USP47: variants seen among roughly 807,000 people sequenced by gnomAD.
USP47 encodes the protein ubiquitin carboxyl-terminal hydrolase 47.
In USP47, 35 loss-of-function variants were observed where a neutral mutation model predicts 165.1. The observed-to-expected ratio is 0.21, with a 90% CI of 0.16 to 0.28. The LOEUF is 0.28. USP47 is among the 10% of genes least tolerant of loss of function. USP47 has a pLI of 1.00. For missense variants in USP47, 1,277 were observed against 1,607.4 expected, an observed-to-expected ratio of 0.79 and a Z score of 3.52; for synonymous variants, 531 against 544.5, an observed-to-expected ratio of 0.98 and a Z score of 0.35.
At chr11:11,954,040 A>C (rs1564897274) in intron 25 of USP47, among the ~76,000 whole-genome samples, 1 of 152,120 alleles carries the variant, frequency 6.6e-6, no homozygotes, top group Non-Finnish European at 1.5e-5. Context: ...ACTTGAGTTC[A>C]GGAGTTCGAG....
chr11:11,880,034 G>A (rs558979557), intron 1 of USP47, 143 bp from the exon 2 acceptor site: 61 of 565,326 alleles, frequency 1.1e-4, no homozygotes, highest in South Asian at 8.2e-4. Context: ...TTCAGACTAC[G>A]ATAAAACAGA....
intron 3 of USP47, among the ~76,000 whole-genome samples, chr11:11,891,758 C>T (rs183735861): frequency 6.6e-6 from 1 of 152,258 alleles, no homozygotes; most frequent in East Asian, 1.9e-4. Context: ...TACAATGGTA[C>T]TTTTCGTTTA....
intron 2 of USP47, among the ~76,000 whole-genome samples, chr11:11,881,755 A>C (rs904874561): frequency 3.9e-5 from 6 of 152,162 alleles, no homozygotes; most frequent in African/African-American, 1.4e-4. Flanking sequence ...AAAAATTTCT[A>C]GGAATCCTTG....
rs1327317765 is a variant in USP47, at chr11:11,948,058, A to C, written c.3205A>C (p.Asn1069His). 6.2e-7 allele frequency: 1 copy of C among 1,613,874 alleles called. No individual in the cohort carries two copies. The highest frequency in any genetic ancestry group is 8.5e-7 in the Non-Finnish European group (1 of 1,179,868). Residue 1069 changes from asparagine to histidine, a missense_variant, in exon 21 of 28, where the codon AAT becomes CAT. By Grantham distance (68) the Asn-to-His change is moderately conservative. Coordinates refer to ENST00000527733, the MANE Select transcript of USP47 (RefSeq NM_001282659.2). The stretch of plus-strand genomic sequence containing the variant: ...CAAGGTCTTTCGAGTGTATGCCAGC[A>C]ATCAAGAGTTTGAGAGCGTCCGGCT... ...HFKVFRVYASNQEFESVRLNE... is the reference protein window; with the variant it reads ...HFKVFRVYASHQEFESVRLNE...
intron 25 of USP47, among the ~76,000 whole-genome samples, chr11:11,954,172 C>G (rs957264259): frequency 1.3e-5 from 2 of 152,072 alleles, no homozygotes; most frequent in African/African-American, 2.4e-5. Context: ...ACTGCTTGAA[C>G]CCAGGAGGTG....
At chr11:11,931,944 T>C (rs543358944) in intron 14 of USP47, among the ~76,000 whole-genome samples, 1 of 152,292 alleles carries the variant, frequency 6.6e-6, no homozygotes, top group South Asian at 2.1e-4. Context: ...ACTAATTGTT[T>C]AAAAGTAGCC....
chr11:11,929,988 C>A, intron 12 of USP47, 56 bp from the exon 13 acceptor site: 1 of 1,334,752 alleles, frequency 7.5e-7, no homozygotes, highest in East Asian at 2.3e-5. Flanking sequence ...TACATATTGA[C>A]GTTAATGTGA....
intron 1 of USP47, among the ~76,000 whole-genome samples, chr11:11,853,221 A>AAT (rs1311588252): frequency 6.6e-6 from 1 of 152,150 alleles, no homozygotes; most frequent in African/African-American, 2.4e-5. Context: ...CAGAGCATTA[A>AAT]ATATATATAT....
At chr11:11,879,622 G>A (rs1321863660) in intron 1 of USP47, among the ~76,000 whole-genome samples, 2 of 152,032 alleles carry the variant, frequency 1.3e-5, no homozygotes, top group African/African-American at 2.4e-5. Flanking sequence ...CCCCTGACAC[G>A]TTAATAAATG....
chr11:11,897,620 G>A lies in USP47; in HGVS notation c.520G>A (p.Ala174Thr). The A allele has an allele frequency of 3.1e-6, 5 of 1,610,612 alleles. No individual in the cohort carries two copies. Among genetic ancestry groups the A allele is most frequent in the Non-Finnish European group, 4.2e-6 (5 of 1,178,128 alleles). ...AGGATATGTGGGACTAGTAAACCAA[G>A]CAATGACTTGCTATTTGAATAGCCT... The part of the protein sequence containing the change: ...ETGYVGLVNQ[A>T]MTCYLNSLLQ... The change falls in exon 5 of 28, where the codon GCA becomes ACA. Residue 174 changes from alanine to threonine, a missense_variant. Physicochemically the swap from Ala to Thr is moderately conservative, Grantham distance 58 (BLOSUM62 0). This residue lies in a region of USP47 where 12 missense variants were observed against 48.8 expected (regional missense o/e 0.25). Coordinates refer to ENST00000527733, the MANE Select transcript of USP47 (RefSeq NM_001282659.2).
intron 20 of USP47, among the ~76,000 whole-genome samples, chr11:11,945,983 A>C (rs1166253037): frequency 6.6e-6 from 1 of 151,900 alleles, no homozygotes; most frequent in African/African-American, 2.4e-5. Flanking sequence ...GAATAAAAGA[A>C]ATACGTAAGA....
At chr11:11,921,561 AAAT>A (rs1214918196) in intron 10 of USP47, among the ~76,000 whole-genome samples, 1 of 151,920 alleles carries the variant, frequency 6.6e-6, no homozygotes, top group Non-Finnish European at 1.5e-5. Flanking sequence ...GTTTAATTTA[AAAT>A]AATGTCTCAG....
chr11:11,898,227 C>A (rs1384230814), intron 5 of USP47, among the ~76,000 whole-genome samples: 1 of 151,950 alleles, frequency 6.6e-6, no homozygotes, highest in East Asian at 1.9e-4. Context: ...TAAGTAAACC[C>A]TGAAGTCAGA....
chr11:11,875,317 G>A (rs1025531449), intron 1 of USP47, among the ~76,000 whole-genome samples: 2 of 152,190 alleles, frequency 1.3e-5, no homozygotes, highest in East Asian at 1.9e-4. Context: ...AAACCTCAGT[G>A]TGTATTCTTT....
rs967667578 is a variant in USP47 at position 11,880,022 on chromosome 11, G to C, written c.40-155G>C. Among the ~76,000 whole-genome samples the C allele has an allele frequency of 2.0e-5, 3 of 152,094 alleles. 1 individual carries two copies. In the Middle Eastern group the frequency reaches 0.01, roughly 517 times the overall value. ...ATGTTTGACATATCCATTAGAATGC[G>C]TTTCAGACTACGATAAAACAGAGAA... On this transcript the variant is annotated intron_variant, in intron 1 of 27. Transcript: ENST00000527733.
At chr11:11,893,115 C>A (rs1265462284) in intron 4 of USP47, among the ~76,000 whole-genome samples, 1 of 151,958 alleles carries the variant, frequency 6.6e-6, no homozygotes, top group Non-Finnish European at 1.5e-5. Context: ...CTTTATTGAG[C>A]AAGTAAAATG....
chr11:11,901,260 G>A (rs1852210192), intron 5 of USP47, among the ~76,000 whole-genome samples: 1 of 152,120 alleles, frequency 6.6e-6, no homozygotes, highest in Admixed American at 6.5e-5. Flanking sequence ...AAGTCTTTTA[G>A]TATGTCTGTA....
intron 8 of USP47, among the ~76,000 whole-genome samples, chr11:11,912,745 G>C (rs1210049922): frequency 1.3e-5 from 2 of 152,048 alleles, no homozygotes; most frequent in Non-Finnish European, 2.9e-5. Flanking sequence ...CCTTATATGT[G>C]TAGTTGGTAA....
intron 4 of USP47, among the ~76,000 whole-genome samples, chr11:11,897,042 A>G (rs1851892355): frequency 6.6e-6 from 1 of 150,648 alleles, no homozygotes; most frequent in African/African-American, 2.4e-5. Flanking sequence ...GTCACTCTGC[A>G]TTACTTAGAG....
Sources: allele counts gnomAD v4.1 joint callset (sites outside exome capture counted in the v4.1 genomes callset), GRCh38; gene constraint gnomAD v4.1.1; regional missense constraint gnomAD v4.1.1; transcripts MANE v1.5; gene names NCBI Gene and HGNC (gene_info 2026-07-23, HGNC 2026-07-21).